The following DNAJC11 variants were observed in gnomAD, a reference collection of about 807,000 sequenced individuals.
DNAJC11 encodes dnaJ homolog subfamily C member 11.
In DNAJC11, 15 loss-of-function variants were observed where a neutral mutation model predicts 78.6. The ratio of observed to expected loss-of-function variants is 0.19; its 90% CI spans 0.13 to 0.29. The LOEUF (loss-of-function observed/expected upper bound fraction) is 0.29, where lower values mean the gene tolerates loss of function less well. Among genes scored for constraint, DNAJC11 ranks in the 10% least tolerant of loss-of-function variants. The pLI is 1.00. For synonymous variants in DNAJC11, 292 were observed against 272.1 expected (o/e 1.07, Z -0.72); for missense variants, 547 against 709.6 (o/e 0.77, Z 2.60).
chr1:6,660,602 A>G (rs905841813), intron 4 of DNAJC11, among the ~76,000 whole-genome samples: 1 of 152,194 alleles, frequency 6.6e-6, no homozygotes, highest in Non-Finnish European at 1.5e-5. Context: ...CAGGCACCCA[A>G]ATTAAATTAC....
chr1:6,685,739 T>C (rs1450414070), intron 1 of DNAJC11, among the ~76,000 whole-genome samples: 9 of 152,242 alleles, frequency 5.9e-5, no homozygotes, highest in Admixed American at 3.9e-4. Flanking sequence ...TGTTTTATAC[T>C]GGAGGCTGGG....
At chr1:6,665,164 C>T (rs965629012) in intron 4 of DNAJC11, among the ~76,000 whole-genome samples, 3 of 152,144 alleles carry the variant, frequency 2.0e-5, no homozygotes, top group African/African-American at 7.2e-5. Flanking sequence ...AACTCCTGGG[C>T]TCGGGCAACC....
At chr1:6,644,710 T>C in intron 9 of DNAJC11, 36 bp from the exon 10 acceptor site, 1 of 1,560,460 alleles carries the variant, frequency 6.4e-7, no homozygotes, top group East Asian at 2.2e-5. Context: ...CCTGTGCCCC[T>C]CATTCATCAC....
chr1:6,640,167 G>T, intron 10 of DNAJC11, 110 bp from the exon 11 acceptor site: 1 of 1,334,148 alleles, frequency 7.5e-7, no homozygotes, highest in Non-Finnish European at 9.9e-7. Context: ...GCGTGCAGCT[G>T]CGAGTTAAAG....
rs1180648439 is a variant in DNAJC11, at chr1:6,643,410, A to G, written c.1097+1148T>C. 4.0e-5 allele frequency among the ~76,000 whole-genome samples: 6 copies of G among 151,332 alleles called. No homozygotes were observed. The East Asian group carries it at 9.8e-4, about 25-fold the overall frequency. ...CCTGCCTCAGCCTCCCAAGTAGCAG[A>G]GACTACAGGCGCCCGCCACCACGCC... On this transcript the variant is annotated intron_variant, in intron 10 of 15. Transcript: ENST00000377577.
chr1:6,637,609 C>T (rs1641801860), intron 12 of DNAJC11, 105 bp from the exon 13 acceptor site: 2 of 1,334,904 alleles, frequency 1.5e-6, no homozygotes, highest in South Asian at 1.2e-5. Context: ...CATACTTGCT[C>T]AGGGCCTGGA....
rs56145914 is a variant in DNAJC11 at position 6,640,071 on chromosome 1, C to CA, written c.1098-15dup. 264,252 of 1,188,828 alleles carry CA rather than the reference C, an allele frequency of 0.22. 6,734 individuals carry two copies. Among genetic ancestry groups the CA allele is most frequent in the African/African-American group, 0.29 (12,721 of 43,654 alleles). The allele number at this position is 1,188,828 out of a possible 1,614,324, so 73.6% of individuals were successfully genotyped here. Reference sequence around the variant, plus strand: ...GCCCTGTTGAGCCTGGGGAAAAATACAAAAAAAAAAAAAAAAAAGCCAAGA... The same window carrying CA: ...GCCCTGTTGAGCCTGGGGAAAAATACAAAAAAAAAAAAAAAAAAAGCCAAGA... On this transcript the variant is annotated splice_polypyrimidine_tract_variant and intron_variant, in intron 10 of 15. Transcript: ENST00000377577.
chr1:6,674,156 C>A (rs1317657091), intron 3 of DNAJC11, among the ~76,000 whole-genome samples: 1 of 152,204 alleles, frequency 6.6e-6, no homozygotes, highest in Non-Finnish European at 1.5e-5. Flanking sequence ...ACAAACATCA[C>A]TAACCAACCT....
chr1:6,651,839 G>A (rs1642058402), intron 6 of DNAJC11, among the ~76,000 whole-genome samples: 1 of 152,178 alleles, frequency 6.6e-6, no homozygotes, highest in Admixed American at 6.5e-5. Context: ...TTTCATTGGT[G>A]TCCCTCCAAA....
intron 3 of DNAJC11, chr1:6,670,954 T>C (rs1175658807): frequency 6.6e-6 from 1 of 152,198 alleles, no homozygotes; most frequent in Non-Finnish European, 1.5e-5. Context: ...CAGGGAAATG[T>C]AGGTAATCAA....
chr1:6,664,340 C>T (rs191009299), intron 4 of DNAJC11, among the ~76,000 whole-genome samples: 1,807 of 151,770 alleles, frequency 0.012, 13 homozygotes, highest in Non-Finnish European at 0.019. Context: ...CCTGGGTTCA[C>T]GCCATTCTCC....
At chr1:6,651,224 C>G (rs376049658) in intron 7 of DNAJC11, 254 of 609,416 alleles carry the variant, frequency 4.2e-4, no homozygotes, top group Non-Finnish European at 5.9e-4. Context: ...TGTTTCGGTC[C>G]ACTGACCAAC....
chr1:6,659,276 C>A (rs1176766971), intron 4 of DNAJC11, among the ~76,000 whole-genome samples: 1 of 152,178 alleles, frequency 6.6e-6, no homozygotes, highest in African/African-American at 2.4e-5. Context: ...TGTCTTCTCT[C>A]ATCGTTCCAG....
At chr1:6,693,868 C>T (rs1642791420) in intron 1 of DNAJC11, among the ~76,000 whole-genome samples, 4 of 131,780 alleles carry the variant, frequency 3.0e-5, no homozygotes, top group Admixed American at 2.7e-4. Context: ...GAGACAGAGT[C>T]TCGCTCTGTT....
At position 6,634,548 on chromosome 1, in the gene DNAJC11, T is replaced by G; in HGVS notation, c.*1127A>C. 7.3e-7 allele frequency: 1 copy of G among 1,364,652 alleles called. No homozygotes were observed. The highest frequency in any genetic ancestry group is 9.8e-7 in the Non-Finnish European group (1 of 1,021,384). 84.5% of individuals were successfully genotyped at this position (1,364,652 alleles called of 1,614,324 possible). On this transcript the variant is annotated 3_prime_UTR_variant, in exon 16 of 16. Transcript: ENST00000377577. ...GTCTCAGCCACCACCTGTGCGGCGC[T>G]TGCTCCGAGGGGTCAGCAAGAGCAA... is the stretch of plus-strand genomic sequence containing the variant.
intron 7 of DNAJC11, among the ~76,000 whole-genome samples, chr1:6,647,574 C>T (rs1641985079): frequency 6.6e-6 from 1 of 151,798 alleles, no homozygotes; most frequent in Non-Finnish European, 1.5e-5. Flanking sequence ...AATCCCAGCA[C>T]TTTGGGAAGC....
rs192577520 is a variant in DNAJC11 at position 6,685,735 on chromosome 1, A to T, written c.73-4698T>A. ...GTTCTCTGGAACCCACCTTTGTTTT[A>T]TACTGGAGGCTGGGTTTCCCCGGTT... On this transcript the variant is annotated intron_variant, in intron 1 of 15. Coordinates refer to ENST00000377577, the MANE Select transcript of DNAJC11 (RefSeq NM_018198.4). Among the ~76,000 whole-genome samples the T allele has an allele frequency of 2.8e-4, 43 of 152,310 alleles. 1 individual carries two copies. The highest frequency in any genetic ancestry group is 1.0e-3 in the African/African-American group (43 of 41,562).
intron 1 of DNAJC11, 82 bp from the exon 2 acceptor site, chr1:6,681,119 C>A: frequency 6.9e-7 from 1 of 1,446,766 alleles, no homozygotes. Flanking sequence ...GAAATGGGAA[C>A]CCATCAGCCA....
chr1:6,670,029 C>T (rs1467442222), intron 3 of DNAJC11, among the ~76,000 whole-genome samples: 1 of 151,654 alleles, frequency 6.6e-6, no homozygotes, highest in Non-Finnish European at 1.5e-5. Flanking sequence ...TCTCAGCTCA[C>T]TGCAAGCTCC....
Sources: allele counts gnomAD v4.1 joint callset (sites outside exome capture counted in the v4.1 genomes callset), GRCh38; gene constraint gnomAD v4.1.1; transcripts MANE v1.5; gene names NCBI Gene and HGNC (gene_info 2026-07-23, HGNC 2026-07-21).